The following ATM variants were observed in gnomAD, a reference collection of about 807,000 sequenced individuals.
The protein encoded by ATM is ATM serine/threonine kinase, also known as serine-protein kinase ATM.
ATM carries 308 observed loss-of-function variants against 387.0 expected under a neutral mutation model. The observed-to-expected ratio is 0.80, with a 90% confidence interval of 0.73 to 0.87. The LOEUF (loss-of-function observed/expected upper bound fraction) is 0.87. ATM is among the 40% of genes least tolerant of loss of function. The pLI is 0.00. For missense variants in ATM, 3,312 were observed against 3,560.9 expected, an observed-to-expected ratio of 0.93 and a Z score of 1.78; for synonymous variants, 1,156 against 1,187.3, an observed-to-expected ratio of 0.97 and a Z score of 0.54.
In ATM at chr11:108,284,501, C is replaced by A. The variant is rs1386712865; in HGVS notation, c.3993+28C>A. On this transcript the variant is annotated intron_variant, in intron 26 of 62. Coordinates refer to ENST00000675843, the MANE Select transcript of ATM (RefSeq NM_000051.4). ...ATGGCTTCAATTTTTATGTACTTTTCATTCCCTGAATGATATGAGATATAA... is the reference window on the plus strand; with the variant it reads ...ATGGCTTCAATTTTTATGTACTTTTAATTCCCTGAATGATATGAGATATAA... The A allele has an allele frequency of 1.2e-6, 2 of 1,612,294 alleles. No individual in the cohort carries two copies. The highest frequency in any genetic ancestry group is 1.7e-6 in the Non-Finnish European group (2 of 1,178,776).
At chr11:108,308,744 A>G (rs1409186711) in intron 38 of ATM, 1 of 413,554 alleles carries the variant, frequency 2.4e-6, no homozygotes, top group East Asian at 4.1e-5. Context: ...GCCTAAATGC[A>G]TTAATATCTT....
chr11:108,256,349 A>AT lies in ATM; in HGVS notation c.2250+12dup. 6.2e-7 allele frequency: 1 copy of AT among 1,606,080 alleles called. No homozygotes were observed. The highest frequency in any genetic ancestry group is 1.1e-5 in the South Asian group (1 of 90,558). ...TATTCCAGAAAGCCAAGGTAGGAGA[A>AT]TTTATACTAATAAAGTTTCGGATAA... On this transcript the variant is annotated intron_variant, in intron 14 of 62. Coordinates refer to ENST00000675843, the MANE Select transcript of ATM (RefSeq NM_000051.4).
intron 5 of ATM, among the ~76,000 whole-genome samples, chr11:108,237,471 TTTTTTTC>T (rs987961383): frequency 4.6e-5 from 7 of 152,218 alleles, no homozygotes; most frequent in Non-Finnish European, 1.0e-4. Flanking sequence ...CTTACTTCTT[TTTTTTTC>T]TTTTTTCTTT....
rs1438726626 is a variant in ATM at position 108,366,414 on chromosome 11, AT to A, written c.*907del. Reference sequence around the variant, plus strand: ...TTTTAATGTTTTTTTAATGTTTTTTATGTCACTAATTATTTTAAATGTCTGT... The same window carrying A: ...TTTTAATGTTTTTTTAATGTTTTTTAGTCACTAATTATTTTAAATGTCTGT... On this transcript the variant is annotated 3_prime_UTR_variant, in exon 63 of 63. Transcript: ENST00000675843. 9 of 218,622 alleles carry A rather than the reference AT, an allele frequency of 4.1e-5. No homozygotes were observed. Among genetic ancestry groups the A allele is most frequent in the Admixed American group, 2.9e-4 (5 of 17,290 alleles). The allele number at this position is 218,622 out of a possible 1,614,324, so 13.5% of individuals were successfully genotyped here.
rs557886356 is a variant in ATM at position 108,366,367 on chromosome 11, G to T, written c.*859G>T. ...ATTTCTAATTATGCATCATTTTTCAGATCTCTGTTTCTTGATGTCATTTTT... is the reference window on the plus strand; with the variant it reads ...ATTTCTAATTATGCATCATTTTTCATATCTCTGTTTCTTGATGTCATTTTT... On this transcript the variant is annotated 3_prime_UTR_variant, in exon 63 of 63. Coordinates refer to ENST00000675843, the MANE Select transcript of ATM (RefSeq NM_000051.4). The T allele has an allele frequency of 3.5e-4, 75 of 214,766 alleles. No individual in the cohort carries two copies. The highest frequency in any genetic ancestry group is 1.5e-3 in the African/African-American group (67 of 44,344). The allele number at this position is 214,766 out of a possible 1,614,324, so 13.3% of individuals were successfully genotyped here. A position where few individuals can be genotyped will look rare whatever the true frequency, so the allele number is the denominator to read the frequency against.
At chr11:108,302,737 T>G in intron 35 of ATM, 116 bp from the exon 36 acceptor site, 1 of 984,276 alleles carries the variant, frequency 1.0e-6, no homozygotes, top group Non-Finnish European at 1.5e-6. Flanking sequence ...GCCTCCAGAT[T>G]TAGTTTTAAC....
chr11:108,247,226 C>G lies in ATM; in HGVS notation c.1065+99C>G, dbSNP rs879250287. 6.8e-6 allele frequency: 8 copies of G among 1,174,720 alleles called. No homozygotes were observed. The South Asian group carries it at 8.9e-5, about 13-fold the overall frequency. 72.8% of individuals were successfully genotyped at this position (1,174,720 alleles called of 1,614,324 possible). On this transcript the variant is annotated intron_variant, in intron 8 of 62. Coordinates refer to ENST00000675843, the MANE Select transcript of ATM (RefSeq NM_000051.4). ...TTAAAACCTGTGTTCTCACAAAAAG[C>G]CTATAAAATGACTCTGTACATGCAA...
intron 22 of ATM, 49 bp downstream of exon 22, chr11:108,272,901 T>C (rs750833618): frequency 1.2e-6 from 2 of 1,610,204 alleles, no homozygotes; most frequent in Non-Finnish European, 1.7e-6. Flanking sequence ...CAGATGGCAG[T>C]AGAATGTCTT....
At position 108,330,390 on chromosome 11, in the gene ATM, C is replaced by T. The variant is rs1449747119; in HGVS notation, c.7484C>T (p.Ser2495Phe). 4 of 1,614,096 alleles carry T rather than the reference C, an allele frequency of 2.5e-6. No individual in the cohort carries two copies. Among genetic ancestry groups the T allele is most frequent in the Admixed American group, 3.3e-5 (2 of 60,024 alleles). ...FRLCSLWLEN[S>F]GVSEVNGMMK... ...CTTTGTTCCCTCTGGCTTGAAAATT[C>T]TGGAGTTTCTGAAGTCAATGGCATG... The change falls in exon 50 of 63, where the codon TCT becomes TTT. Residue 2495 changes from serine (S) to phenylalanine (F), a missense_variant. Ser to Phe is a radical substitution (Grantham distance 155). Coordinates refer to ENST00000675843, the MANE Select transcript of ATM (RefSeq NM_000051.4).
In ATM at chr11:108,267,048, T is replaced by A. The variant is rs642496; in HGVS notation, c.2467-123T>A. On this transcript the variant is annotated intron_variant, in intron 16 of 62. Coordinates refer to ENST00000675843, the MANE Select transcript of ATM (RefSeq NM_000051.4). ...CGACCTCAGGTGATCCACCTGGCTC[T>A]GCCTCCCAAATTGCTGAGATTACAG... 571,741 of 946,322 alleles carry A rather than the reference T, an allele frequency of 0.6. 176,187 individuals carry two copies. Among genetic ancestry groups the A allele is most frequent in the African/African-American group, 0.83 (51,158 of 61,422 alleles). The allele number at this position is 946,322 out of a possible 1,614,324, so 58.6% of individuals were successfully genotyped here.
chr11:108,332,966 T>TTA (rs2086443886), intron 53 of ATM, 66 bp downstream of exon 53: 1 of 1,545,524 alleles, frequency 6.5e-7, no homozygotes, highest in Admixed American at 1.7e-5. Context: ...GATATATTAG[T>TTA]TATAGAGCCT....
At chr11:108,280,229 A>G (rs533610461) in intron 23 of ATM, among the ~76,000 whole-genome samples, 3 of 152,310 alleles carry the variant, frequency 2.0e-5, no homozygotes, top group African/African-American at 4.8e-5. Flanking sequence ...TGTAAATAAC[A>G]TAAAATCTAA....
intron 40 of ATM, among the ~76,000 whole-genome samples, chr11:108,315,266 T>A (rs888525914): frequency 1.3e-5 from 2 of 152,228 alleles, no homozygotes; most frequent in Non-Finnish European, 2.9e-5. Context: ...AATAGTACAA[T>A]ATGTACGATA....
rs144753630 is a variant in ATM, at chr11:108,297,425, G to A, written c.5005+43G>A. ...GCTGCGTGACATTTCAGTCAACTGCGGATCACATATAGGACAGATTATAAT... is the reference window on the plus strand; with the variant it reads ...GCTGCGTGACATTTCAGTCAACTGCAGATCACATATAGGACAGATTATAAT... On this transcript the variant is annotated intron_variant, in intron 33 of 62. Transcript: ENST00000675843. 329 of 1,441,716 alleles carry A rather than the reference G, an allele frequency of 2.3e-4. 1 individual carries two copies. In the African/African-American group the frequency reaches 3.6e-3, roughly 16 times the overall value. 89.3% of individuals were successfully genotyped at this position (1,441,716 alleles called of 1,614,324 possible). A position where few individuals can be genotyped will look rare whatever the true frequency, so the allele number is the denominator to read the frequency against.
intron 45 of ATM, among the ~76,000 whole-genome samples, chr11:108,322,048 A>G (rs1205601351): frequency 6.6e-6 from 1 of 152,194 alleles, no homozygotes; most frequent in African/African-American, 2.4e-5. Context: ...ACATTGTATT[A>G]CTGTCATTTT....
Position 108,252,041 on chromosome 11 carries a change from G to A in ATM, c.1802+10G>A, listed in dbSNP as rs1237413422. On this transcript the variant is annotated intron_variant, in intron 11 of 62. Coordinates refer to ENST00000675843, the MANE Select transcript of ATM (RefSeq NM_000051.4). Reference sequence around the variant, plus strand: ...CTCCAATTCTTCACAGGTAATTTAAGTTCATTAGCATGCTGCTGTTTTTTT... The same window carrying A: ...CTCCAATTCTTCACAGGTAATTTAAATTCATTAGCATGCTGCTGTTTTTTT... 1.2e-6 allele frequency: 2 copies of A among 1,608,828 alleles called. No homozygotes were observed. Among genetic ancestry groups the A allele is most frequent in the South Asian group, 1.1e-5 (1 of 90,746 alleles).
At position 108,295,029 on chromosome 11, in the gene ATM, C is replaced by G. The variant is rs886039592; in HGVS notation, c.4879C>G (p.Gln1627Glu). Residue 1627 changes from glutamine (Q) to glutamate (E), a missense_variant, in exon 32 of 63, where the codon CAG becomes GAG. Physicochemically the swap from Gln to Glu is conservative, Grantham distance 29. Coordinates refer to ENST00000675843, the MANE Select transcript of ATM (RefSeq NM_000051.4). The stretch of plus-strand genomic sequence containing the variant: ...AAGACAACTGGAACTACATAAAGAT[C>G]AGATGGTGGACATTATGAGAGCTTC... ...LRRQLELHKD[Q>E]MVDIMRASQD... 1 of 1,613,892 alleles carries G rather than the reference C, an allele frequency of 6.2e-7. No homozygotes were observed. The highest frequency in any genetic ancestry group is 1.7e-4 in the Middle Eastern group (1 of 6,054).
rs1060501648 is a variant in ATM at position 108,267,178 on chromosome 11, T to G, written c.2474T>G (p.Phe825Cys). 1 of 1,613,886 alleles carries G rather than the reference T, an allele frequency of 6.2e-7. No individual in the cohort carries two copies. The highest frequency in any genetic ancestry group is 8.5e-7 in the Non-Finnish European group (1 of 1,179,966). ...IADICKSLAS[F>C]IKKPFDRGEV... ...TGTTTCTCTTCCTTGAAGGCATCCT[T>G]CATCAAAAAGCCATTTGACCGTGGA... Residue 825 changes from phenylalanine (F) to cysteine (C), a missense_variant, in exon 17 of 63, where the codon TTC (phenylalanine) becomes TGC (cysteine). Physicochemically the swap from Phe to Cys is radical, Grantham distance 205 (BLOSUM62 -2). Coordinates refer to ENST00000675843, the MANE Select transcript of ATM (RefSeq NM_000051.4).
At chr11:108,247,687 C>G (rs973031278) in intron 8 of ATM, among the ~76,000 whole-genome samples, 1 of 152,154 alleles carries the variant, frequency 6.6e-6, no homozygotes, top group Non-Finnish European at 1.5e-5. Flanking sequence ...CCTCCCTTTC[C>G]CGGGTTCAAG....
Sources: gnomAD v4.1 joint callset for allele counts (sites outside exome capture counted in the v4.1 genomes callset) on GRCh38, gnomAD v4.1.1 for gene constraint, MANE v1.5 for transcripts, NCBI Gene and HGNC (gene_info 2026-07-23, HGNC 2026-07-21) for gene names.